SYNE2: variants seen among roughly 807,000 people sequenced by gnomAD.
SYNE2 encodes spectrin repeat containing nuclear envelope protein 2, also known as nesprin-2.
A neutral mutation model predicts 856.3 loss-of-function variants in SYNE2; 431 were observed. The observed-to-expected ratio is 0.50, with a 90% CI of 0.47 to 0.55. The LOEUF is 0.55. Ranked by LOEUF, SYNE2 falls within the 20% of genes least tolerant of loss-of-function variation. The pLI is 0.00. For synonymous variants in SYNE2, 2,923 were observed against 2,872.3 expected, an observed-to-expected ratio of 1.02 and a Z score of -0.56; for missense variants, 8,129 against 8,023.2, an observed-to-expected ratio of 1.01 and a Z score of -0.50.
At chr14:63,907,663 C>T (rs1165466728) in intron 1 of SYNE2, among the ~76,000 whole-genome samples, 1 of 151,676 alleles carries the variant, frequency 6.6e-6, no homozygotes, top group African/African-American at 2.4e-5. Flanking sequence ...CTTAGGGTGC[C>T]AAAATGAAGA....
chr14:63,865,724 C>CCCCCAA (rs1555352398), intron 1 of SYNE2, among the ~76,000 whole-genome samples: 5 of 95,350 alleles, frequency 5.2e-5, no homozygotes, highest in African/African-American at 1.3e-4. Context: ...ACCCCCCCCC[C>CCCCCAA]AAAAAAAAAG....
chr14:63,883,385 T>G (rs986787974), intron 1 of SYNE2, among the ~76,000 whole-genome samples: 2 of 151,518 alleles, frequency 1.3e-5, no homozygotes, highest in African/African-American at 4.9e-5. Context: ...AAAGTCAGGG[T>G]CTCGCTCTGT....
chr14:63,790,118 G>A (rs1301941270), intron 1 of SYNE2, among the ~76,000 whole-genome samples: 1 of 152,106 alleles, frequency 6.6e-6, no homozygotes, highest in African/African-American at 2.4e-5. Flanking sequence ...AATTAATTGA[G>A]CCCAGGAGTT....
rs527635474 is a variant in SYNE2, at chr14:64,047,885, T to C, written c.7222-115T>C. 7.4e-5 allele frequency: 85 copies of C among 1,155,226 alleles called. No homozygotes were observed. In the African/African-American group the frequency reaches 1.3e-3, roughly 17 times the overall value. The allele number at this position is 1,155,226 out of a possible 1,614,324, so 71.6% of individuals were successfully genotyped here. A position where few individuals can be genotyped will look rare whatever the true frequency, so the allele number is the denominator to read the frequency against. On this transcript the variant is annotated intron_variant, in intron 45 of 115. Coordinates refer to ENST00000555002, the MANE Select transcript of SYNE2 (RefSeq NM_182914.3). ...TCTTTCGTAGTGCCCAAATATACTT[T>C]TTAAGTCTATAATCCAAGTAAACAG...
At chr14:63,926,033 C>T (rs575143272) in intron 2 of SYNE2, among the ~76,000 whole-genome samples, 31 of 151,918 alleles carry the variant, frequency 2.0e-4, no homozygotes, top group Non-Finnish European at 3.8e-4. Flanking sequence ...TTGTGGAGAC[C>T]TGGTTTCACC....
intron 85 of SYNE2, among the ~76,000 whole-genome samples, chr14:64,157,079 T>A (rs1237191132): frequency 1.3e-5 from 2 of 152,166 alleles, no homozygotes; most frequent in African/African-American, 4.8e-5. Flanking sequence ...TCAACCCAGA[T>A]CCTTTTTAAA....
At chr14:63,828,325 GTAAT>G (rs1219097195) in intron 1 of SYNE2, among the ~76,000 whole-genome samples, 2 of 152,146 alleles carry the variant, frequency 1.3e-5, no homozygotes, top group African/African-American at 2.4e-5. Flanking sequence ...GGTATTGTAA[GTAAT>G]CTAGAGATAA....
chr14:64,024,788 C>A (rs542964564), intron 39 of SYNE2, 124 bp from the exon 40 acceptor site: 14 of 1,024,262 alleles, frequency 1.4e-5, no homozygotes, highest in East Asian at 1.1e-4. Flanking sequence ...AAATTAAATT[C>A]TCTCTAAATT....
intron 1 of SYNE2, among the ~76,000 whole-genome samples, chr14:63,868,358 C>G (rs1395956240): frequency 6.6e-6 from 1 of 151,596 alleles, no homozygotes; most frequent in Non-Finnish European, 1.5e-5. Context: ...ACCTGTAGTC[C>G]CAGCTGCTAA....
At chr14:63,931,243 T>C (rs990741701) in intron 2 of SYNE2, among the ~76,000 whole-genome samples, 6 of 152,102 alleles carry the variant, frequency 3.9e-5, no homozygotes, top group African/African-American at 1.4e-4. Flanking sequence ...AGAAACAAAT[T>C]GCCTAGGGGT....
chr14:64,206,450 CTTTA>C lies in SYNE2; in HGVS notation c.18202-2300_18202-2297del, dbSNP rs560220371. On this transcript the variant is annotated intron_variant, in intron 100 of 115. Coordinates refer to ENST00000555002, the MANE Select transcript of SYNE2 (RefSeq NM_182914.3). ...CTGCATTTTAAAATGTAGTCTATCA[CTTTA>C]TTTATTTTTTTTTTGTACAAGGTAA... Among the ~76,000 whole-genome samples, 704 of 151,510 alleles carry C rather than the reference CTTTA, an allele frequency of 4.6e-3. 4 individuals carry two copies. Among genetic ancestry groups the C allele is most frequent in the African/African-American group, 0.014 (592 of 41,298 alleles).
chr14:63,937,449 A>G (rs1256607194), intron 2 of SYNE2, among the ~76,000 whole-genome samples: 1 of 152,212 alleles, frequency 6.6e-6, no homozygotes, highest in Non-Finnish European at 1.5e-5. Flanking sequence ...ATAGTGTACA[A>G]GTGAAAGGAT....
In SYNE2 at chr14:64,170,371, T is replaced by A. The variant is rs779978239; in HGVS notation, c.17144T>A (p.Phe5715Tyr). 6.2e-7 allele frequency: 1 copy of A among 1,614,166 alleles called. No individual in the cohort carries two copies. The highest frequency in any genetic ancestry group is 8.5e-7 in the Non-Finnish European group (1 of 1,180,014). Residue 5715 changes from phenylalanine to tyrosine, a missense_variant, in exon 94 of 116, where the codon TTC (phenylalanine) becomes TAC (tyrosine). Coordinates refer to ENST00000555002, the MANE Select transcript of SYNE2 (RefSeq NM_182914.3). Reference protein sequence around the residue: ...FTTSVENLFRFLTDTSHLLSA... With the variant: ...FTTSVENLFRYLTDTSHLLSA... ...ACTTCTGTGGAGAACTTGTTTCGCT[T>A]CCTCACTGACACCAGCCACCTGCTA...
At chr14:63,940,731 C>T in intron 3 of SYNE2, 56 bp downstream of exon 3, 1 of 1,531,036 alleles carries the variant, frequency 6.5e-7, no homozygotes, top group Non-Finnish European at 9.0e-7. Flanking sequence ...CCCCCTACTC[C>T]TTCTGTTTTG....
At chr14:63,801,345 GT>G (rs373141260) in intron 1 of SYNE2, among the ~76,000 whole-genome samples, 4 of 152,168 alleles carry the variant, frequency 2.6e-5, no homozygotes, top group African/African-American at 9.6e-5. Flanking sequence ...AATACCACCT[GT>G]ACCCCAATAA....
rs536221278 is a variant in SYNE2, at chr14:63,987,121, C to T, written c.2313+504C>T. 1.7e-4 allele frequency among the ~76,000 whole-genome samples: 26 copies of T among 152,120 alleles called. 1 individual carries two copies. In the South Asian group the frequency reaches 3.3e-3, roughly 19 times the overall value. On this transcript the variant is annotated intron_variant, in intron 19 of 115. Transcript: ENST00000555002. ...ACAAAAAATTAGCTGGACGTGGTGGCGCGCACGCCTGTAGTCCCAGCTCCT... is the reference window on the plus strand; with the variant it reads ...ACAAAAAATTAGCTGGACGTGGTGGTGCGCACGCCTGTAGTCCCAGCTCCT...
chr14:64,097,366 A>G (rs2097685777), intron 61 of SYNE2, among the ~76,000 whole-genome samples: 1 of 152,206 alleles, frequency 6.6e-6, no homozygotes. Flanking sequence ...TAGTAATACC[A>G]AAGAAGCCTT....
rs2096545639 is a variant in SYNE2, at chr14:63,976,640, A to G, written c.1206A>G (p.Val402=). The G allele has an allele frequency of 6.2e-7, 1 of 1,611,478 alleles. No individual in the cohort carries two copies. The highest frequency in any genetic ancestry group is 1.3e-5 in the African/African-American group (1 of 74,110). ...LHQTEAWLQE[V]EELMDEDLSA... The stretch of plus-strand genomic sequence containing the variant: ...AAACTGAAGCTTGGCTCCAGGAGGT[A>G]GAAGAGCTTATGGATGAAGATTTGT... The change falls in exon 12 of 116, where the codon GTA becomes GTG. Residue 402 remains valine (V), a synonymous_variant. Transcript: ENST00000555002.
intron 1 of SYNE2, among the ~76,000 whole-genome samples, chr14:63,814,992 A>G (rs565301356): frequency 2.5e-5 from 2 of 79,206 alleles, no homozygotes; most frequent in South Asian, 7.1e-4. Flanking sequence ...ATCCATATAT[A>G]CATCCATATA....
Sources: gnomAD v4.1 joint callset for allele counts (sites outside exome capture counted in the v4.1 genomes callset) on GRCh38, gnomAD v4.1.1 for gene constraint, MANE v1.5 for transcripts, NCBI Gene and HGNC (gene_info 2026-07-23, HGNC 2026-07-21) for gene names.